DPF3: variants seen among roughly 807,000 people sequenced by gnomAD.
DPF3 encodes the protein zinc finger protein DPF3.
A neutral mutation model predicts 56.8 loss-of-function variants in DPF3; 18 were observed. That is an observed-to-expected ratio of 0.32 (90% confidence interval 0.22 to 0.47). The LOEUF is 0.47. DPF3 is among the 20% of genes least tolerant of loss of function. DPF3 has a pLI of 1.00. For missense variants in DPF3, 403 were observed against 488.8 expected (o/e 0.82, Z 1.65); for synonymous variants, 188 against 180.2 (o/e 1.04, Z -0.35).
In DPF3 at chr14:72,741,127, C is replaced by T. The variant is rs774606876; in HGVS notation, c.302-9193G>A. On this transcript the variant is annotated intron_variant, in intron 3 of 10. Coordinates refer to ENST00000556509, the MANE Select transcript of DPF3 (RefSeq NM_001280542.3). The stretch of plus-strand genomic sequence containing the variant: ...GGCCAGATGGCACACACTTTTCCAG[C>T]GGGGCAGTGAGCTGTCTGCAGCAAA... Among the ~76,000 whole-genome samples the T allele has an allele frequency of 7.2e-5, 11 of 152,124 alleles. 1 individual carries two copies. The highest frequency in any genetic ancestry group is 2.1e-4 in the South Asian group (1 of 4,818).
At chr14:72,791,852 T>C (rs1892446401) in intron 1 of DPF3, among the ~76,000 whole-genome samples, 1 of 152,212 alleles carries the variant, frequency 6.6e-6, no homozygotes, top group Non-Finnish European at 1.5e-5. Context: ...CAGTACATGC[T>C]GCCTCATGAC....
chr14:72,674,267 C>A lies in DPF3; in HGVS notation c.844G>T (p.Val282Leu). The A allele has an allele frequency of 1.2e-6, 2 of 1,612,784 alleles. No individual in the cohort carries two copies. The highest frequency in any genetic ancestry group is 1.7e-6 in the Non-Finnish European group (2 of 1,179,480). The change falls in exon 8 of 11, where the codon GTG (valine) becomes TTG (leucine). Residue 282 changes from valine (V) to leucine (L), a missense_variant. Physicochemically the swap from Val to Leu is conservative, Grantham distance 32 (BLOSUM62 1). Coordinates refer to ENST00000556509, the MANE Select transcript of DPF3 (RefSeq NM_001280542.3). Reference sequence around the variant, plus strand: ...GAGCGTCCACAGTCTGCGCAGGACACCAGCTCTTCAGGCCGCCCACTCTTC... The same window carrying A: ...GAGCGTCCACAGTCTGCGCAGGACAACAGCTCTTCAGGCCGCCCACTCTTC... ...NKKSGRPEEL[V>L]SCADCGRSGH...
At chr14:72,779,826 C>T (rs1302763122) in intron 1 of DPF3, among the ~76,000 whole-genome samples, 3 of 152,248 alleles carry the variant, frequency 2.0e-5, no homozygotes, top group African/African-American at 7.2e-5. Context: ...ATGCAACACT[C>T]ACTATTGCGG....
intron 8 of DPF3, chr14:72,661,940 T>C (rs1886235262): frequency 7.1e-6 from 7 of 980,210 alleles, no homozygotes; most frequent in African/African-American, 1.8e-5. Flanking sequence ...ATATATTCCA[T>C]CAATAGATGG....
intron 1 of DPF3, among the ~76,000 whole-genome samples, chr14:72,819,637 T>G (rs148663013): frequency 2.6e-5 from 4 of 152,180 alleles, no homozygotes; most frequent in Admixed American, 6.5e-5. Context: ...TAAGCTAGAT[T>G]CAAAAGAGTA....
chr14:72,727,436 C>T (rs1599388293), intron 4 of DPF3, among the ~76,000 whole-genome samples: 2 of 152,162 alleles, frequency 1.3e-5, no homozygotes, highest in Middle Eastern at 6.8e-3. Context: ...AATAGTTGGG[C>T]GTGGTGGTGG....
intron 1 of DPF3, among the ~76,000 whole-genome samples, chr14:72,859,514 C>T (rs1227112996): frequency 3.1e-5 from 4 of 127,606 alleles, no homozygotes; most frequent in East Asian, 5.3e-4. Flanking sequence ...TCTGGAATCA[C>T]GTGTTGTATC....
At chr14:72,774,520 G>T (rs573663329) in intron 1 of DPF3, among the ~76,000 whole-genome samples, 2 of 152,024 alleles carry the variant, frequency 1.3e-5, no homozygotes, top group Non-Finnish European at 2.9e-5. Context: ...AAAAGTCAAC[G>T]GGTCAGGTTC....
chr14:72,670,582 C>G, intron 8 of DPF3: 1 of 987,308 alleles, frequency 1.0e-6, no homozygotes, highest in Non-Finnish European at 1.2e-6. Flanking sequence ...AAATTCTCCC[C>G]ACCGGGCGGC....
chr14:72,821,797 G>C (rs1335453895), intron 1 of DPF3, among the ~76,000 whole-genome samples: 1 of 152,194 alleles, frequency 6.6e-6, no homozygotes. Context: ...CTTGAGGCCA[G>C]GAGTTCAAGA....
intron 1 of DPF3, among the ~76,000 whole-genome samples, chr14:72,804,180 G>GAC (rs545355128): frequency 0.17 from 23,028 of 132,996 alleles, 2,118 homozygotes; most frequent in African/African-American, 0.25. Flanking sequence ...TGCTTTCCAG[G>GAC]ACACACACAC....
chr14:72,671,533 C>G (rs559499081), intron 8 of DPF3: 1 of 814,512 alleles, frequency 1.2e-6, no homozygotes, highest in African/African-American at 1.7e-5. Context: ...AGAGGCTTCC[C>G]CCACTCCCCG....
Position 72,851,954 on chromosome 14 carries a change from C to T in DPF3, c.32+42103G>A, listed in dbSNP as rs576662762. ...CACTTGATGGGATTCTCTCTCTCTT[C>T]AAAGCATAGAGCAAACATCAATTAA... On this transcript the variant is annotated intron_variant, in intron 1 of 10. Transcript: ENST00000556509. Among the ~76,000 whole-genome samples the T allele has an allele frequency of 3.3e-5, 5 of 152,348 alleles. No individual in the cohort carries two copies. In the South Asian group the frequency reaches 8.3e-4, roughly 25 times the overall value.
chr14:72,795,095 T>C (rs1892581760), intron 1 of DPF3, among the ~76,000 whole-genome samples: 1 of 151,976 alleles, frequency 6.6e-6, no homozygotes, highest in Non-Finnish European at 1.5e-5. Context: ...GGTAACATAT[T>C]CATAGGTTCC....
intron 7 of DPF3, among the ~76,000 whole-genome samples, chr14:72,685,268 G>A (rs1887360838): frequency 6.6e-6 from 1 of 152,204 alleles, no homozygotes; most frequent in African/African-American, 2.4e-5. Flanking sequence ...ATCACTCAGG[G>A]TTCCAAAGTC....
chr14:72,731,898 G>A lies in DPF3; in HGVS notation c.338C>T (p.Ser113Leu), dbSNP rs1361766245. ...CAAGGCTTCCAGCGTGGTGCTCTCT[G>A]AGGTGAACCCATCCTTCTTCAGGGG... ...ELPLKKDGFT[S>L]ESTTLEALLR... Residue 113 changes from serine (S) to leucine (L), a missense_variant, in exon 4 of 11, where the codon TCA (serine) becomes TTA (leucine). By Grantham distance (145) the Ser-to-Leu change is moderately radical. Coordinates refer to ENST00000556509, the MANE Select transcript of DPF3 (RefSeq NM_001280542.3). 6.2e-7 allele frequency: 1 copy of A among 1,602,664 alleles called. No homozygotes were observed. The highest frequency in any genetic ancestry group is 8.5e-7 in the Non-Finnish European group (1 of 1,174,540).
intron 1 of DPF3, among the ~76,000 whole-genome samples, chr14:72,788,542 T>C (rs563537871): frequency 1.1e-4 from 16 of 152,304 alleles, no homozygotes; most frequent in Non-Finnish European, 2.1e-4. Flanking sequence ...TTATGCTCTC[T>C]AATAATTACC....
chr14:72,616,454 C>T lies in DPF3; in HGVS notation c.*2843G>A, dbSNP rs1489282125. 1.3e-5 allele frequency among the ~76,000 whole-genome samples: 2 copies of T among 152,164 alleles called. No individual in the cohort carries two copies. Among genetic ancestry groups the T allele is most frequent in the African/African-American group, 4.8e-5 (2 of 41,438 alleles). On this transcript the variant is annotated 3_prime_UTR_variant, in exon 11 of 11. Coordinates refer to ENST00000556509, the MANE Select transcript of DPF3 (RefSeq NM_001280542.3). ...AGCCCAGCCCTGGCAATATAAACTC[C>T]CTTTGGTCACAAGGGAGATTTGAAG...
chr14:72,764,196 G>A (rs1891170203), intron 2 of DPF3, among the ~76,000 whole-genome samples: 1 of 152,144 alleles, frequency 6.6e-6, no homozygotes, highest in African/African-American at 2.4e-5. Context: ...TGACCTCCAG[G>A]AAGAAAAGAG....
Sources: allele counts gnomAD v4.1 joint callset (sites outside exome capture counted in the v4.1 genomes callset), GRCh38; gene constraint gnomAD v4.1.1; transcripts MANE v1.5; gene names NCBI Gene and HGNC (gene_info 2026-07-23, HGNC 2026-07-21).